Variants in PCDHGA5 observed in about 807,000 individuals in gnomAD.
The protein encoded by PCDHGA5 is protocadherin gamma subfamily A, 5, also known as protocadherin gamma-A5.
A neutral mutation model predicts 56.7 loss-of-function variants in PCDHGA5; 36 were observed. That is an observed-to-expected ratio of 0.64 (90% CI 0.49 to 0.84). The LOEUF is 0.84. Among genes scored for constraint, PCDHGA5 ranks in the 40% least tolerant of loss-of-function variants. The probability of loss-of-function intolerance (pLI) is 0.00; values close to 1 mark genes in which losing one functional copy is unlikely to be tolerated. For missense variants in PCDHGA5, 1,305 were observed against 1,201.5 expected (o/e 1.09, Z -1.27); for synonymous variants, 563 against 520.2 (o/e 1.08, Z -1.12).
intron 1 of PCDHGA5, chr5:141,404,954 A>C: frequency 6.2e-7 from 1 of 1,613,952 alleles, no homozygotes; most frequent in Non-Finnish European, 8.5e-7. Flanking sequence ...AGCTGACAGC[A>C]TCCCAGACAT....
At position 141,477,891 on chromosome 5, in the gene PCDHGA5, G is replaced by A. The variant is rs750359063; in HGVS notation, c.2422-16916G>A. 130 of 1,614,066 alleles carry A rather than the reference G, an allele frequency of 8.1e-5. 1 individual carries two copies. The highest frequency in any genetic ancestry group is 1.1e-4 in the Non-Finnish European group (125 of 1,180,050). On this transcript the variant is annotated intron_variant, in intron 1 of 3. Coordinates refer to ENST00000518069, the MANE Select transcript of PCDHGA5 (RefSeq NM_018918.3). The surrounding 1 kb of genome is among the most constrained non-coding windows in gnomAD (Gnocchi z 4.9). The stretch of plus-strand genomic sequence containing the variant: ...ACCTCAGCTGGCCACCTAGTGTCAC[G>A]GGTGGTAGGCTGGGACGCGGATGCA...
In PCDHGA5 at chr5:141,485,079, A is replaced by C; in HGVS notation, c.2422-9728A>C. ...AACCGCGCCAGAGCTGGCGCGGGGA[A>C]AGGGAGATAGGTGTCTCCAGCTGCT... is the stretch of plus-strand genomic sequence containing the variant. On this transcript the variant is annotated intron_variant, in intron 1 of 3. Transcript: ENST00000518069. This position sits in a 1 kb window ranked among gnomAD's most constrained non-coding sequence, Gnocchi z 5.7. 1 of 949,456 alleles carries C rather than the reference A, an allele frequency of 1.1e-6. No individual in the cohort carries two copies. The highest frequency in any genetic ancestry group is 1.6e-6 in the Non-Finnish European group (1 of 614,758). 58.8% of individuals were successfully genotyped at this position (949,456 alleles called of 1,614,324 possible).
chr5:141,433,347 CCTA>C, intron 1 of PCDHGA5: 1 of 626,716 alleles, frequency 1.6e-6, no homozygotes, highest in South Asian at 2.0e-5. Flanking sequence ...GTGCAAGCCA[CCTA>C]CTGTCTGCCT....
intron 1 of PCDHGA5, chr5:141,391,218 T>A (rs1486850229): frequency 1.3e-5 from 2 of 152,172 alleles, no homozygotes; most frequent in South Asian, 2.1e-4. Flanking sequence ...AGGAACATTA[T>A]ATGAGCCTTT....
At chr5:141,399,627 C>A (rs751717107) in intron 1 of PCDHGA5, 19 of 1,613,788 alleles carry the variant, frequency 1.2e-5, no homozygotes, top group Non-Finnish European at 1.6e-5. Flanking sequence ...TGGCCTCTTA[C>A]GTGTCCATGA....
intron 1 of PCDHGA5, chr5:141,375,875 T>C: frequency 6.2e-7 from 1 of 1,613,778 alleles, no homozygotes; most frequent in Non-Finnish European, 8.5e-7. Flanking sequence ...GGACAGAGAC[T>C]CGGGCCAGAA....
At chr5:141,441,725 C>T (rs2098268012) in intron 1 of PCDHGA5, 3 of 352,332 alleles carry the variant, frequency 8.5e-6, no homozygotes. Flanking sequence ...AGGCCCGCGA[C>T]CAGGACTAGC....
chr5:141,420,004 G>C (rs768411058), intron 1 of PCDHGA5: 4 of 1,614,084 alleles, frequency 2.5e-6, no homozygotes, highest in Non-Finnish European at 3.4e-6. Flanking sequence ...CTCTACGCCT[G>C]CGACAGTCTT....
Position 141,432,058 on chromosome 5 carries a change from C to T in PCDHGA5, c.2422-62749C>T, listed in dbSNP as rs2097444209. On this transcript the variant is annotated intron_variant, in intron 1 of 3. Coordinates refer to ENST00000518069, the MANE Select transcript of PCDHGA5 (RefSeq NM_018918.3). The surrounding 1 kb of genome is among the most constrained non-coding windows in gnomAD (Gnocchi z 6.0). ...CTGACCGGGGAACCCCGCCCCTATC[C>T]ACGGAAACTCATATCTCGCTGAACG... 1 of 1,614,210 alleles carries T rather than the reference C, an allele frequency of 6.2e-7. No individual in the cohort carries two copies.
At position 141,423,686 on chromosome 5, in the gene PCDHGA5, A is replaced by T. The variant is rs752078243; in HGVS notation, c.2421+56935A>T. 10 of 1,328,296 alleles carry T rather than the reference A, an allele frequency of 7.5e-6. No homozygotes were observed. The East Asian group carries it at 3.6e-4, about 47-fold the overall frequency. The allele number at this position is 1,328,296 out of a possible 1,614,324, so 82.3% of individuals were successfully genotyped here. The stretch of plus-strand genomic sequence containing the variant: ...GTGAGATTTATTTCTCTGCCTCCTA[A>T]TTGTTGGTGTCTTGGCACAAGTCTT... On this transcript the variant is annotated intron_variant, in intron 1 of 3. Transcript: ENST00000518069.
intron 1 of PCDHGA5, chr5:141,399,616 C>G (rs777443975): frequency 6.2e-7 from 1 of 1,613,962 alleles, no homozygotes. Flanking sequence ...GCCTCTGGCA[C>G]TGGCCTCTTA....
intron 1 of PCDHGA5, chr5:141,408,241 G>A: frequency 1.3e-6 from 2 of 1,580,050 alleles, no homozygotes; most frequent in Non-Finnish European, 1.7e-6. Flanking sequence ...GGGCCGGCCC[G>A]CGGCAGGTGC....
intron 1 of PCDHGA5, chr5:141,374,320 G>T (rs1425393222): frequency 1.2e-6 from 2 of 1,613,960 alleles, no homozygotes; most frequent in Admixed American, 3.3e-5. Context: ...CTCTGAATCC[G>T]CGAAACGGCA....
Position 141,476,008 on chromosome 5 carries a change from G to T in PCDHGA5, c.2422-18799G>T. 1 of 1,282,144 alleles carries T rather than the reference G, an allele frequency of 7.8e-7. No homozygotes were observed. Among genetic ancestry groups the T allele is most frequent in the Non-Finnish European group, 1.1e-6 (1 of 935,996 alleles). 79.4% of individuals were successfully genotyped at this position (1,282,144 alleles called of 1,614,324 possible). On this transcript the variant is annotated intron_variant, in intron 1 of 3. Coordinates refer to ENST00000518069, the MANE Select transcript of PCDHGA5 (RefSeq NM_018918.3). This position sits in a 1 kb window ranked among gnomAD's most constrained non-coding sequence, Gnocchi z 7.6. ...CGAGCAAATCAACGGCATCCAGAAA[G>T]CCATGTCGGACTCGGCGCCCAGCGC... is the stretch of plus-strand genomic sequence containing the variant.
chr5:141,473,382 C>T (rs780229708), intron 1 of PCDHGA5, among the ~76,000 whole-genome samples: 3 of 152,190 alleles, frequency 2.0e-5, no homozygotes, highest in Non-Finnish European at 4.4e-5. Context: ...TGGTCCCTGC[C>T]CTCCTGGAGC....
At chr5:141,482,611 G>A (rs1016481108) in intron 1 of PCDHGA5, among the ~76,000 whole-genome samples, 3 of 150,398 alleles carry the variant, frequency 2.0e-5, no homozygotes, top group African/African-American at 7.4e-5. Context: ...ACACCTAAAT[G>A]AGCCTGGAGA....
chr5:141,413,909 T>A (rs772084941), intron 1 of PCDHGA5: 1 of 1,613,316 alleles, frequency 6.2e-7, no homozygotes. Flanking sequence ...AACGCGCCGG[T>A]CTTCACCTTG....
chr5:141,426,722 T>G (rs1022367359), intron 1 of PCDHGA5: 1 of 447,734 alleles, frequency 2.2e-6, no homozygotes, highest in Non-Finnish European at 4.6e-6. Context: ...AACTAGCAAT[T>G]CCAGGCATTC....
Position 141,511,429 on chromosome 5 carries a change from G to A in PCDHGA5, c.*256G>A, listed in dbSNP as rs1414641314. 1.3e-6 allele frequency: 1 copy of A among 769,620 alleles called. No individual in the cohort carries two copies. The highest frequency in any genetic ancestry group is 2.0e-6 in the Non-Finnish European group (1 of 505,154). The allele number at this position is 769,620 out of a possible 1,614,324, so 47.7% of individuals were successfully genotyped here. On this transcript the variant is annotated 3_prime_UTR_variant, in exon 4 of 4. Transcript: ENST00000518069. The stretch of plus-strand genomic sequence containing the variant: ...CTGCTGTACCCATGGGGGTAGTGGG[G>A]TTACTGTAGACACCAAGAACCATTT...
Sources: gnomAD v4.1 joint callset for allele counts (sites outside exome capture counted in the v4.1 genomes callset) on GRCh38, gnomAD v4.1.1 for gene constraint, Gnocchi (gnomAD v3.1) non-coding constraint, MANE v1.5 for transcripts, NCBI Gene and HGNC (gene_info 2026-07-23, HGNC 2026-07-21) for gene names.